Variants in FAM13A observed in about 807,000 individuals in gnomAD.
The protein encoded by FAM13A is family with sequence similarity 13 member A.
Under a neutral mutation model 129.6 loss-of-function variants are expected in FAM13A, and 76 were observed. That is an observed-to-expected ratio of 0.59 (90% confidence interval 0.49 to 0.71). The LOEUF is 0.71. Ranked by LOEUF, FAM13A falls within the 30% of genes least tolerant of loss-of-function variation. FAM13A has a pLI of 0.00. For missense variants in FAM13A, 1,108 were observed against 1,249.3 expected (o/e 0.89, Z 1.70); for synonymous variants, 443 against 449.9 (o/e 0.98, Z 0.20).
intron 8 of FAM13A, among the ~76,000 whole-genome samples, chr4:88,801,013 A>G (rs1051586027): frequency 1.3e-5 from 2 of 152,184 alleles, no homozygotes; most frequent in African/African-American, 4.8e-5. Flanking sequence ...AGAAAAACAA[A>G]CTATTAGAAG....
At chr4:88,790,690 A>C in intron 8 of FAM13A, 63 bp from the exon 9 acceptor site, 1 of 1,430,946 alleles carries the variant, frequency 7.0e-7, no homozygotes, top group Non-Finnish European at 9.8e-7. Flanking sequence ...TGAACCAAAC[A>C]TGTGAAGTGG....
At chr4:89,047,183 C>T (rs1299456954) in intron 1 of FAM13A, among the ~76,000 whole-genome samples, 2 of 152,104 alleles carry the variant, frequency 1.3e-5, no homozygotes, top group African/African-American at 4.8e-5. Flanking sequence ...GGCTATAAAA[C>T]TCATGTCAAG....
At chr4:89,036,430 G>A (rs1440905130) in intron 1 of FAM13A, among the ~76,000 whole-genome samples, 6 of 152,130 alleles carry the variant, frequency 3.9e-5, no homozygotes, top group African/African-American at 7.2e-5. Context: ...AACAGTGTAT[G>A]GTCATATGCA....
chr4:88,810,951 A>T (rs2149779246), intron 7 of FAM13A, among the ~76,000 whole-genome samples: 1 of 152,322 alleles, frequency 6.6e-6, no homozygotes, highest in African/African-American at 2.4e-5. Flanking sequence ...GACCACTAAT[A>T]GGTCATGACC....
intron 7 of FAM13A, among the ~76,000 whole-genome samples, chr4:88,824,802 G>A (rs1732684990): frequency 6.6e-6 from 1 of 151,920 alleles, no homozygotes; most frequent in Non-Finnish European, 1.5e-5. Context: ...CCGCCTCCTG[G>A]GTTCAAGCGA....
intron 6 of FAM13A, among the ~76,000 whole-genome samples, chr4:88,885,961 G>A (rs887578299): frequency 4.0e-5 from 6 of 151,470 alleles, no homozygotes; most frequent in South Asian, 2.1e-4. Flanking sequence ...AAACCACAAC[G>A]TGATACCACC....
intron 4 of FAM13A, among the ~76,000 whole-genome samples, chr4:88,959,778 C>A (rs1466048526): frequency 6.6e-6 from 1 of 152,154 alleles, no homozygotes; most frequent in Non-Finnish European, 1.5e-5. Flanking sequence ...CCCTTTTATC[C>A]ATGTTAAGTA....
rs901956360 is a variant in FAM13A at position 88,990,983 on chromosome 4, T to C, written c.595A>G (p.Asn199Asp). Residue 199 changes from asparagine to aspartate, a missense_variant, in exon 4 of 24, where the codon AAT (asparagine) becomes GAT (aspartate). By Grantham distance (23) the Asn-to-Asp change is conservative. Transcript: ENST00000264344. ...ACTCCACTAACTTACTGAAAGCAAT[T>C]TGGCCCAAATACAGTGGCGAGATTG... ...VHNLATVFGPNCFHVPPGLEG... is the reference protein window; with the variant it reads ...VHNLATVFGPDCFHVPPGLEG... The C allele has an allele frequency of 3.7e-6, 6 of 1,613,700 alleles. No homozygotes were observed. The highest frequency in any genetic ancestry group is 5.1e-6 in the Non-Finnish European group (6 of 1,179,818).
chr4:88,837,718 C>CA (rs34184242), intron 7 of FAM13A, among the ~76,000 whole-genome samples: 2,150 of 71,188 alleles, frequency 0.03, 80 homozygotes, highest in African/African-American at 0.074. Flanking sequence ...AACTCCGTCT[C>CA]AAAAAAAAAA....
intron 10 of FAM13A, among the ~76,000 whole-genome samples, chr4:88,781,817 A>G (rs1722927671): frequency 1.3e-5 from 2 of 150,968 alleles, no homozygotes; most frequent in South Asian, 4.2e-4. Context: ...AGGAAGGGGA[A>G]CATCACAGTC....
intron 3 of FAM13A, among the ~76,000 whole-genome samples, chr4:88,991,386 C>T (rs968846207): frequency 1.3e-5 from 2 of 151,928 alleles, no homozygotes; most frequent in Non-Finnish European, 2.9e-5. Flanking sequence ...CGCAGTGAGC[C>T]GAGATTGCGC....
chr4:88,973,494 G>C (rs1204604109), intron 4 of FAM13A, among the ~76,000 whole-genome samples: 1 of 152,064 alleles, frequency 6.6e-6, no homozygotes, highest in East Asian at 1.9e-4. Flanking sequence ...TTCTAGCATT[G>C]CTTTTGGTTC....
chr4:89,044,886 A>C (rs979544071), intron 1 of FAM13A, among the ~76,000 whole-genome samples: 7 of 151,794 alleles, frequency 4.6e-5, no homozygotes, highest in Non-Finnish European at 1.0e-4. Flanking sequence ...GTATAGAGAC[A>C]GAGGGAAGGA....
intron 6 of FAM13A, among the ~76,000 whole-genome samples, chr4:88,859,995 T>C (rs1448216749): frequency 6.6e-6 from 1 of 152,160 alleles, no homozygotes; most frequent in Non-Finnish European, 1.5e-5. Context: ...AGTAATTCCT[T>C]TGTTGCTTCT....
chr4:89,025,249 T>TTTTTTTG (rs1767793195), intron 2 of FAM13A, among the ~76,000 whole-genome samples: 1 of 51,386 alleles, frequency 1.9e-5, no homozygotes, highest in South Asian at 8.4e-4. Flanking sequence ...ATCATTGTTT[T>TTTTTTTG]TTTTTTTTTT....
intron 22 of FAM13A, chr4:88,731,697 A>G (rs781149650): frequency 1.9e-6 from 1 of 524,632 alleles, no homozygotes; most frequent in African/African-American, 1.9e-5. Context: ...TTTTTCTTTG[A>G]AAGAAAGAGA....
At chr4:88,873,751 A>G (rs1052317394) in intron 6 of FAM13A, among the ~76,000 whole-genome samples, 2 of 152,248 alleles carry the variant, frequency 1.3e-5, no homozygotes, top group African/African-American at 4.8e-5. Flanking sequence ...AAACTATTCC[A>G]ATAGAAAAAG....
chr4:88,822,334 T>C (rs1458414753), intron 7 of FAM13A, among the ~76,000 whole-genome samples: 1 of 151,786 alleles, frequency 6.6e-6, no homozygotes, highest in Non-Finnish European at 1.5e-5. Flanking sequence ...TCTGCTTTGG[T>C]ATAACTCCTT....
chr4:88,813,820 G>T (rs1244861426), intron 7 of FAM13A, among the ~76,000 whole-genome samples: 7 of 152,178 alleles, frequency 4.6e-5, no homozygotes, highest in Non-Finnish European at 8.8e-5. Flanking sequence ...CAACTGGAAA[G>T]TGAATGAAGG....
Sources: allele counts gnomAD v4.1 joint callset (sites outside exome capture counted in the v4.1 genomes callset), GRCh38; gene constraint gnomAD v4.1.1; transcripts MANE v1.5; gene names NCBI Gene and HGNC (gene_info 2026-07-23, HGNC 2026-07-21).